FHIT: variants seen among roughly 807,000 people sequenced by gnomAD.
FHIT encodes bis(5'-adenosyl)-triphosphatase.
FHIT carries 19 observed loss-of-function variants against 17.9 expected under a neutral mutation model. The observed-to-expected ratio is 1.06, with a 90% CI of 0.74 to 1.56. FHIT has a LOEUF of 1.56. Ranked by LOEUF, FHIT falls within the 40% of genes most tolerant of loss-of-function variation. FHIT has a pLI of 0.00. For synonymous variants in FHIT, 81 were observed against 69.7 expected (o/e 1.16, Z -0.81); for missense variants, 248 against 189.2 (o/e 1.31, Z -1.82).
rs551012460 is a variant in FHIT at position 60,142,874 on chromosome 3, G to T, written c.104-128722C>A. Among the ~76,000 whole-genome samples the T allele has an allele frequency of 3.3e-5, 5 of 151,970 alleles. No individual in the cohort carries two copies. In the South Asian group the frequency reaches 8.3e-4, roughly 25 times the overall value. Reference sequence around the variant, plus strand: ...AAGACAAAAATATAACTCAACTTAAGAACAGATTAAGAATTAACAAGATAA... The same window carrying T: ...AAGACAAAAATATAACTCAACTTAATAACAGATTAAGAATTAACAAGATAA... On this transcript the variant is annotated intron_variant, in intron 5 of 9. Coordinates refer to ENST00000492590, the MANE Select transcript of FHIT (RefSeq NM_002012.4).
intron 5 of FHIT, among the ~76,000 whole-genome samples, chr3:60,103,513 T>G (rs556913415): frequency 2.2e-4 from 34 of 152,214 alleles, no homozygotes; most frequent in Admixed American, 5.9e-4. Flanking sequence ...GGAAAATAAT[T>G]TCTATGGGAG....
chr3:60,271,221 G>A (rs534325905), intron 5 of FHIT, among the ~76,000 whole-genome samples: 1 of 152,110 alleles, frequency 6.6e-6, no homozygotes, highest in East Asian at 1.9e-4. Context: ...TCAACATGGT[G>A]AAACCCTGTC....
chr3:60,967,579 T>G (rs1445088709), intron 3 of FHIT, among the ~76,000 whole-genome samples: 3 of 152,138 alleles, frequency 2.0e-5, no homozygotes, highest in Non-Finnish European at 4.4e-5. Flanking sequence ...GGTTTTGGAG[T>G]GCAAGTATAG....
At chr3:60,959,093 C>T (rs1709296318) in intron 3 of FHIT, among the ~76,000 whole-genome samples, 1 of 152,152 alleles carries the variant, frequency 6.6e-6, no homozygotes, top group African/African-American at 2.4e-5. Context: ...TAATGGTCCT[C>T]ATGAATTTTC....
At chr3:60,618,460 G>C (rs917960984) in intron 4 of FHIT, among the ~76,000 whole-genome samples, 2 of 152,082 alleles carry the variant, frequency 1.3e-5, no homozygotes, top group Admixed American at 1.3e-4. Context: ...ACAGGCCCCA[G>C]TGTGTGTTGT....
chr3:59,972,003 C>T (rs555087019), intron 7 of FHIT, among the ~76,000 whole-genome samples: 2 of 152,182 alleles, frequency 1.3e-5, no homozygotes, highest in South Asian at 2.1e-4. Flanking sequence ...GCAGACATGC[C>T]TTGCTCCATC....
chr3:60,378,612 G>T (rs1700673418), intron 5 of FHIT, among the ~76,000 whole-genome samples: 1 of 152,174 alleles, frequency 6.6e-6, no homozygotes, highest in Non-Finnish European at 1.5e-5. Context: ...TCTTTCAAAA[G>T]TACAGAACAA....
At chr3:60,906,156 G>A (rs1706403946) in intron 3 of FHIT, among the ~76,000 whole-genome samples, 1 of 152,056 alleles carries the variant, frequency 6.6e-6, no homozygotes, top group South Asian at 2.1e-4. Context: ...TGGAATATTA[G>A]GAAAAAAAGA....
chr3:61,189,194 A>C (rs2038628934), intron 2 of FHIT, among the ~76,000 whole-genome samples: 1 of 152,220 alleles, frequency 6.6e-6, no homozygotes, highest in East Asian at 1.9e-4. Context: ...CCAACGTCTC[A>C]GCCCAAAATC....
At chr3:59,995,799 TG>T in intron 7 of FHIT, among the ~76,000 whole-genome samples, 1 of 151,950 alleles carries the variant, frequency 6.6e-6, no homozygotes, top group East Asian at 2.0e-4. Context: ...CCATTTCATT[TG>T]ACTCACTTGC....
At chr3:60,234,038 C>T (rs1224685974) in intron 5 of FHIT, among the ~76,000 whole-genome samples, 1 of 152,142 alleles carries the variant, frequency 6.6e-6, no homozygotes. Flanking sequence ...TATCAATATA[C>T]TCCCCATACT....
At chr3:60,446,009 C>A (rs986712156) in intron 5 of FHIT, among the ~76,000 whole-genome samples, 12 of 152,084 alleles carry the variant, frequency 7.9e-5, no homozygotes, top group African/African-American at 2.6e-4. Flanking sequence ...AAAAAATAGA[C>A]CTGCTTCTTA....
intron 5 of FHIT, among the ~76,000 whole-genome samples, chr3:60,400,493 T>A: frequency 6.6e-6 from 1 of 152,274 alleles, no homozygotes; most frequent in Non-Finnish European, 1.5e-5. Flanking sequence ...TCTAACAATG[T>A]TGGTGTTAGA....
At chr3:60,052,191 A>G (rs558506221) in intron 5 of FHIT, among the ~76,000 whole-genome samples, 2 of 152,146 alleles carry the variant, frequency 1.3e-5, no homozygotes, top group South Asian at 4.1e-4. Context: ...GTCACAGTCT[A>G]TAATCCCATA....
At chr3:60,689,553 G>A (rs1368703933) in intron 4 of FHIT, among the ~76,000 whole-genome samples, 2 of 152,052 alleles carry the variant, frequency 1.3e-5, no homozygotes, top group Non-Finnish European at 2.9e-5. Flanking sequence ...AGATACCAAG[G>A]GACGACAGTA....
intron 3 of FHIT, among the ~76,000 whole-genome samples, chr3:60,974,783 C>T (rs1466372896): frequency 6.6e-6 from 1 of 152,124 alleles, no homozygotes; most frequent in Admixed American, 6.5e-5. Flanking sequence ...TAATGTTTTA[C>T]TTTCCCACCT....
At chr3:60,474,216 T>C (rs2107456270) in intron 5 of FHIT, among the ~76,000 whole-genome samples, 1 of 152,326 alleles carries the variant, frequency 6.6e-6, no homozygotes, top group South Asian at 2.1e-4. Context: ...GAGTTTCTTC[T>C]GGTATAGCAA....
At chr3:60,528,725 T>C (rs892540349) in intron 5 of FHIT, among the ~76,000 whole-genome samples, 3 of 152,178 alleles carry the variant, frequency 2.0e-5, no homozygotes, top group African/African-American at 4.8e-5. Flanking sequence ...CCATGTGCAT[T>C]GGCATGTCTA....
intron 5 of FHIT, among the ~76,000 whole-genome samples, chr3:60,401,158 T>C (rs529996142): frequency 6.6e-6 from 1 of 152,304 alleles, no homozygotes; most frequent in East Asian, 1.9e-4. Flanking sequence ...AGGTTATTTT[T>C]GCTTTGCTTG....
Sources: gnomAD v4.1 joint callset for allele counts (sites outside exome capture counted in the v4.1 genomes callset) on GRCh38, gnomAD v4.1.1 for gene constraint, MANE v1.5 for transcripts, NCBI Gene and HGNC (gene_info 2026-07-23, HGNC 2026-07-21) for gene names.